EYS: variants seen among roughly 807,000 people sequenced by gnomAD.
The protein encoded by EYS is EGF-like photoreceptor maintenance factor, also known as protein eyes shut homolog.
In EYS, 250 loss-of-function variants were observed where a neutral mutation model predicts 282.1. The observed-to-expected ratio is 0.89, with a 90% CI of 0.80 to 0.98. The LOEUF is 0.98. Among genes scored for constraint, EYS ranks in the 50% least tolerant of loss-of-function variants. The probability of loss-of-function intolerance (pLI) is 0.00; values close to 1 mark genes in which losing one functional copy is unlikely to be tolerated. For synonymous variants in EYS, 1,355 were observed against 1,282.9 expected, an observed-to-expected ratio of 1.06 and a Z score of -1.20; for missense variants, 4,016 against 3,709.0, an observed-to-expected ratio of 1.08 and a Z score of -2.15.
Position 64,531,078 on chromosome 6 carries a change from T to A in EYS, c.5644+59145A>T, listed in dbSNP as rs539678315. On this transcript the variant is annotated intron_variant, in intron 26 of 42. Coordinates refer to ENST00000503581, the MANE Select transcript of EYS (RefSeq NM_001142800.2). ...AGTTCTCATGCTATAGAGCAAGAACTTACCTAAAGTAGTCAAGAAACAAGA... is the reference window on the plus strand; with the variant it reads ...AGTTCTCATGCTATAGAGCAAGAACATACCTAAAGTAGTCAAGAAACAAGA... 4.6e-5 allele frequency among the ~76,000 whole-genome samples: 7 copies of A among 152,296 alleles called. No individual in the cohort carries two copies. In the South Asian group the frequency reaches 1.0e-3, roughly 23 times the overall value.
At chr6:65,674,613 C>T (rs1169302292) in intron 1 of EYS, among the ~76,000 whole-genome samples, 1 of 151,590 alleles carries the variant, frequency 6.6e-6, no homozygotes, top group African/African-American at 2.4e-5. Flanking sequence ...AAATTGCCAA[C>T]CAAGATTACT....
At position 65,421,725 on chromosome 6, in the gene EYS, C is replaced by T. The variant is rs140900111; in HGVS notation, c.863-16358G>A. The stretch of plus-strand genomic sequence containing the variant: ...TTCCTTTCACTGAAACACTTAGAGG[C>T]CATTGTAGGGCTATTAATTGGTCTA... On this transcript the variant is annotated intron_variant, in intron 5 of 42. Coordinates refer to ENST00000503581, the MANE Select transcript of EYS (RefSeq NM_001142800.2). Among the ~76,000 whole-genome samples, 24 of 151,882 alleles carry T rather than the reference C, an allele frequency of 1.6e-4. No individual in the cohort carries two copies. The East Asian group carries it at 4.1e-3, about 26-fold the overall frequency.
chr6:65,417,656 T>C (rs1767292825), intron 5 of EYS, among the ~76,000 whole-genome samples: 1 of 152,068 alleles, frequency 6.6e-6, no homozygotes, highest in Non-Finnish European at 1.5e-5. Context: ...AGAATGATTG[T>C]TATATTGCTT....
chr6:64,990,662 G>T (rs1012363353), intron 14 of EYS, among the ~76,000 whole-genome samples: 10 of 151,530 alleles, frequency 6.6e-5, no homozygotes, highest in African/African-American at 2.2e-4. Flanking sequence ...TCAGTGATCT[G>T]CTATGTCTTC....
At chr6:64,341,634 C>A (rs971243383) in intron 29 of EYS, among the ~76,000 whole-genome samples, 11 of 151,672 alleles carry the variant, frequency 7.3e-5, no homozygotes, top group Admixed American at 4.0e-4. Context: ...TGTAACAATC[C>A]TAATTCTCAC....
chr6:64,161,214 T>C (rs1386292126), intron 31 of EYS, among the ~76,000 whole-genome samples: 4 of 152,226 alleles, frequency 2.6e-5, no homozygotes. Flanking sequence ...CATGTTTCTA[T>C]AGTGTACACT....
At chr6:64,789,701 C>A (rs1774127761) in intron 22 of EYS, among the ~76,000 whole-genome samples, 1 of 152,026 alleles carries the variant, frequency 6.6e-6, no homozygotes, top group Non-Finnish European at 1.5e-5. Context: ...GTGCTCTAAC[C>A]TCAAGACTGT....
chr6:64,664,770 G>T (rs998694342), intron 22 of EYS, among the ~76,000 whole-genome samples: 1 of 152,256 alleles, frequency 6.6e-6, no homozygotes, highest in African/African-American at 2.4e-5. Context: ...CTATGAACTA[G>T]AAAATGGGTC....
intron 8 of EYS, among the ~76,000 whole-genome samples, chr6:65,354,372 G>A (rs1008986161): frequency 1.3e-5 from 2 of 152,106 alleles, no homozygotes; most frequent in African/African-American, 2.4e-5. Context: ...GAGACATGCA[G>A]TACAAGGAAT....
intron 35 of EYS, among the ~76,000 whole-genome samples, chr6:63,980,773 A>T (rs1767051273): frequency 6.6e-6 from 1 of 151,916 alleles, no homozygotes; most frequent in South Asian, 2.1e-4. Flanking sequence ...AGATCAGGTC[A>T]GATGGCATGG....
chr6:65,521,829 T>C (rs190371646), intron 2 of EYS, among the ~76,000 whole-genome samples: 12 of 152,304 alleles, frequency 7.9e-5, no homozygotes, highest in African/African-American at 2.9e-4. Flanking sequence ...GATTCTAATA[T>C]CTCCTACTCA....
At chr6:64,901,156 T>C (rs1409228300) in intron 18 of EYS, among the ~76,000 whole-genome samples, 1 of 151,384 alleles carries the variant, frequency 6.6e-6, no homozygotes, top group Middle Eastern at 3.2e-3. Context: ...AACCAACCAC[T>C]GCATGTTCTC....
chr6:64,002,616 G>T (rs1768149513), intron 33 of EYS, among the ~76,000 whole-genome samples: 1 of 152,160 alleles, frequency 6.6e-6, no homozygotes, highest in Non-Finnish European at 1.5e-5. Flanking sequence ...TGAGCTGCAG[G>T]GTGACCAAAC....
chr6:65,148,484 C>A (rs538140615), intron 12 of EYS, among the ~76,000 whole-genome samples: 5 of 152,266 alleles, frequency 3.3e-5, no homozygotes, highest in Middle Eastern at 3.4e-3. Context: ...TGGCCTTGGG[C>A]AGCTCTACTT....
chr6:65,600,642 C>T (rs922168317), intron 2 of EYS, among the ~76,000 whole-genome samples: 3 of 151,790 alleles, frequency 2.0e-5, no homozygotes, highest in Non-Finnish European at 4.4e-5. Context: ...TTTGTGGTAC[C>T]GCCAAATCCC....
intron 22 of EYS, among the ~76,000 whole-genome samples, chr6:64,708,351 T>C (rs758761557): frequency 6.6e-6 from 1 of 152,228 alleles, no homozygotes; most frequent in Non-Finnish European, 1.5e-5. Flanking sequence ...TAAAGCAAAA[T>C]GCTTGTTTAC....
chr6:65,504,681 A>C (rs1267314381), intron 2 of EYS, among the ~76,000 whole-genome samples: 1 of 151,426 alleles, frequency 6.6e-6, no homozygotes, highest in East Asian at 1.9e-4. Context: ...TAGAGTATCG[A>C]TATGGTAGAT....
At chr6:64,123,126 C>T (rs546336730) in intron 31 of EYS, among the ~76,000 whole-genome samples, 1 of 152,154 alleles carries the variant, frequency 6.6e-6, no homozygotes, top group Non-Finnish European at 1.5e-5. Context: ...AGCTCTGATG[C>T]AAACCAGCAT....
chr6:65,155,107 A>G (rs1049183630), intron 12 of EYS, among the ~76,000 whole-genome samples: 1 of 151,574 alleles, frequency 6.6e-6, no homozygotes, highest in African/African-American at 2.4e-5. Context: ...GGAATTTTAC[A>G]TCATTTTGAA....
Sources: allele counts gnomAD v4.1 joint callset (sites outside exome capture counted in the v4.1 genomes callset), GRCh38; gene constraint gnomAD v4.1.1; transcripts MANE v1.5; gene names NCBI Gene and HGNC (gene_info 2026-07-23, HGNC 2026-07-21).